The following CNTNAP4 variants were observed in gnomAD, a reference collection of about 807,000 sequenced individuals.
The protein encoded by CNTNAP4 is contactin-associated protein-like 4.
In CNTNAP4, 98 loss-of-function variants were observed where a neutral mutation model predicts 148.4. That is an observed-to-expected ratio of 0.66 (90% CI 0.56 to 0.78). The LOEUF is 0.78. Among genes scored for constraint, CNTNAP4 ranks in the 30% least tolerant of loss-of-function variants. CNTNAP4 has a pLI of 0.00. For synonymous variants in CNTNAP4, 730 were observed against 565.1 expected, an observed-to-expected ratio of 1.29 and a Z score of -4.14; for missense variants, 1,935 against 1,565.6, an observed-to-expected ratio of 1.24 and a Z score of -3.98.
chr16:76,287,874 T>G (rs1352438049), intron 1 of CNTNAP4: 4 of 152,218 alleles, frequency 2.6e-5, no homozygotes, highest in Admixed American at 6.5e-5. Flanking sequence ...AAAAGCAAGT[T>G]TTGCCTTGCA....
chr16:76,367,747 T>G (rs1201913651), intron 3 of CNTNAP4, among the ~76,000 whole-genome samples: 1 of 152,218 alleles, frequency 6.6e-6, no homozygotes, highest in Admixed American at 6.5e-5. Context: ...AACTTTTAAA[T>G]ATCTGAATAA....
intron 18 of CNTNAP4, among the ~76,000 whole-genome samples, chr16:76,536,692 G>A (rs747844616): frequency 2.6e-5 from 4 of 152,008 alleles, no homozygotes; most frequent in Non-Finnish European, 4.4e-5. Flanking sequence ...ATATCTGCTG[G>A]TGAAATAAAA....
At chr16:76,301,102 A>G (rs553628206) in intron 1 of CNTNAP4, among the ~76,000 whole-genome samples, 3 of 152,146 alleles carry the variant, frequency 2.0e-5, no homozygotes, top group Non-Finnish European at 4.4e-5. Flanking sequence ...CATAGTCTTC[A>G]TAATTCCAGG....
At chr16:76,368,448 G>A (rs1035136188) in intron 3 of CNTNAP4, among the ~76,000 whole-genome samples, 2 of 152,074 alleles carry the variant, frequency 1.3e-5, no homozygotes, top group South Asian at 2.1e-4. Flanking sequence ...ATCATAGACT[G>A]GATAAAGAAA....
chr16:76,422,222 T>C (rs1012251361), intron 3 of CNTNAP4, among the ~76,000 whole-genome samples: 9 of 152,188 alleles, frequency 5.9e-5, no homozygotes, highest in Non-Finnish European at 1.0e-4. Context: ...TGAAGGCTTT[T>C]TGGTTTTTAT....
chr16:76,343,750 T>TTTG (rs57968965), intron 2 of CNTNAP4, among the ~76,000 whole-genome samples: 5 of 151,908 alleles, frequency 3.3e-5, no homozygotes, highest in East Asian at 1.9e-4. Flanking sequence ...ATTTTTTTTT[T>TTTG]GTCTGATGAG....
chr16:76,396,636 T>C (rs916411272), intron 3 of CNTNAP4, among the ~76,000 whole-genome samples: 2 of 152,176 alleles, frequency 1.3e-5, no homozygotes, highest in Admixed American at 6.5e-5. Context: ...ATTGCTTATA[T>C]TCAATAGTAA....
intron 8 of CNTNAP4, among the ~76,000 whole-genome samples, chr16:76,461,157 G>C (rs2080945404): frequency 1.3e-5 from 2 of 152,070 alleles, no homozygotes; most frequent in South Asian, 2.1e-4. Flanking sequence ...CAACAGTTCA[G>C]CATTATGTTT....
intron 4 of CNTNAP4, among the ~76,000 whole-genome samples, chr16:76,434,219 G>A (rs2079728756): frequency 6.6e-6 from 1 of 151,534 alleles, no homozygotes; most frequent in Non-Finnish European, 1.5e-5. Context: ...TGAGTATTAA[G>A]TATTATCGTT....
chr16:76,314,140 T>A (rs1285219791), intron 1 of CNTNAP4, among the ~76,000 whole-genome samples: 1 of 152,226 alleles, frequency 6.6e-6, no homozygotes, highest in Non-Finnish European at 1.5e-5. Context: ...TATGCATTAA[T>A]ATGTATGTAT....
intron 15 of CNTNAP4, among the ~76,000 whole-genome samples, chr16:76,503,894 A>G (rs958720867): frequency 6.6e-6 from 1 of 152,164 alleles, no homozygotes; most frequent in Non-Finnish European, 1.5e-5. Context: ...TACCATTTTT[A>G]TACTAGCACC....
chr16:76,545,636 T>C (rs189590013), intron 21 of CNTNAP4, among the ~76,000 whole-genome samples: 11 of 152,260 alleles, frequency 7.2e-5, no homozygotes, highest in Admixed American at 3.9e-4. Flanking sequence ...CAAAATTATA[T>C]ATTTTCAGGT....
At chr16:76,314,619 C>T (rs116584063) in intron 1 of CNTNAP4, among the ~76,000 whole-genome samples, 31 of 152,272 alleles carry the variant, frequency 2.0e-4, no homozygotes, top group African/African-American at 7.2e-4. Flanking sequence ...ATTGGGACAT[C>T]AGGACACGCC....
intron 15 of CNTNAP4, among the ~76,000 whole-genome samples, chr16:76,502,035 C>G (rs976277106): frequency 1.3e-5 from 2 of 151,300 alleles, no homozygotes; most frequent in African/African-American, 4.9e-5. Context: ...CGCCACTGCA[C>G]TCCAGCCTGG....
chr16:76,289,060 T>A (rs1173261022), intron 1 of CNTNAP4, among the ~76,000 whole-genome samples: 2 of 143,836 alleles, frequency 1.4e-5, no homozygotes, highest in African/African-American at 2.9e-5. Flanking sequence ...TTCCTTTCCC[T>A]CTCACCTTTT....
At chr16:76,453,176 G>A (rs2080583463) in intron 8 of CNTNAP4, among the ~76,000 whole-genome samples, 1 of 152,210 alleles carries the variant, frequency 6.6e-6, no homozygotes, top group African/African-American at 2.4e-5. Context: ...GTGAGAAAAA[G>A]GGAGAGGTCT....
chr16:76,293,833 TTTA>T (rs1959179151), intron 1 of CNTNAP4, among the ~76,000 whole-genome samples: 1 of 75,342 alleles, frequency 1.3e-5, no homozygotes, highest in Admixed American at 1.3e-4. Flanking sequence ...TTTTTTTTTT[TTTA>T]AAAAAAAGGA....
chr16:76,399,056 C>CTCTCT (rs2078311459), intron 3 of CNTNAP4, among the ~76,000 whole-genome samples: 1 of 152,122 alleles, frequency 6.6e-6, no homozygotes, highest in African/African-American at 2.4e-5. Flanking sequence ...CCTGCGCAAG[C>CTCTCT]TCTCTTGCCT....
At chr16:76,415,335 CAATA>C in intron 3 of CNTNAP4, among the ~76,000 whole-genome samples, 1 of 150,860 alleles carries the variant, frequency 6.6e-6, no homozygotes, top group East Asian at 1.9e-4. Flanking sequence ...TATTTATAAT[CAATA>C]AGGAGTTTGT....
Sources: gnomAD v4.1 joint callset for allele counts (sites outside exome capture counted in the v4.1 genomes callset) on GRCh38, gnomAD v4.1.1 for gene constraint, MANE v1.5 for transcripts, NCBI Gene and HGNC (gene_info 2026-07-23, HGNC 2026-07-21) for gene names.